Variants in CDH18 observed in about 807,000 individuals in gnomAD.
CDH18 encodes the protein cadherin-18.
CDH18 carries 31 observed loss-of-function variants against 67.9 expected under a neutral mutation model. The observed-to-expected ratio is 0.46, with a 90% CI of 0.34 to 0.62. The LOEUF is 0.62. Among genes scored for constraint, CDH18 ranks in the 20% least tolerant of loss-of-function variants. The pLI, the probability that CDH18 is intolerant of heterozygous loss-of-function variation, is 0.01. For missense variants in CDH18, 890 were observed against 975.5 expected (o/e 0.91, Z 1.17); for synonymous variants, 362 against 347.2 (o/e 1.04, Z -0.48).
chr5:19,533,548 AT>A (rs2127000649), intron 9 of CDH18, among the ~76,000 whole-genome samples: 1 of 152,322 alleles, frequency 6.6e-6, no homozygotes, highest in Admixed American at 6.5e-5. Context: ...GCATGAATTA[AT>A]TTTATTTTCA....
chr5:20,015,025 T>C (rs1016121389), intron 2 of CDH18, among the ~76,000 whole-genome samples: 3 of 152,078 alleles, frequency 2.0e-5, no homozygotes, highest in Admixed American at 2.0e-4. Flanking sequence ...GGACATATAC[T>C]AGGTCAAAAT....
At chr5:20,383,143 G>T (rs765005483) in intron 1 of CDH18, among the ~76,000 whole-genome samples, 17 of 152,030 alleles carry the variant, frequency 1.1e-4, no homozygotes, top group Non-Finnish European at 1.9e-4. Context: ...CATTAATTCT[G>T]CCATAGAATA....
At chr5:19,723,474 G>A (rs907238644) in intron 4 of CDH18, among the ~76,000 whole-genome samples, 2 of 152,096 alleles carry the variant, frequency 1.3e-5, no homozygotes, top group Non-Finnish European at 2.9e-5. Context: ...ACTCTAAGAA[G>A]AAATATGACT....
chr5:20,146,268 T>C (rs944963996), intron 2 of CDH18, among the ~76,000 whole-genome samples: 4 of 152,034 alleles, frequency 2.6e-5, no homozygotes, highest in African/African-American at 9.7e-5. Flanking sequence ...TTATTTGTAG[T>C]ATAGTGTTTG....
intron 2 of CDH18, among the ~76,000 whole-genome samples, chr5:20,240,047 T>C (rs1280884208): frequency 6.6e-6 from 1 of 151,818 alleles, no homozygotes; most frequent in East Asian, 1.9e-4. Context: ...ACAAAAATAG[T>C]TAAGAATAAT....
At chr5:19,590,628 G>C (rs898353819) in intron 7 of CDH18, among the ~76,000 whole-genome samples, 1 of 151,992 alleles carries the variant, frequency 6.6e-6, no homozygotes, top group African/African-American at 2.4e-5. Flanking sequence ...GAATCACCTG[G>C]AGTACATTTT....
chr5:20,376,532 G>C (rs1186933532), intron 1 of CDH18, among the ~76,000 whole-genome samples: 10 of 150,708 alleles, frequency 6.6e-5, no homozygotes, highest in Non-Finnish European at 4.4e-5. Context: ...TCTTTAGGGG[G>C]GTGTGTTATT....
intron 9 of CDH18, among the ~76,000 whole-genome samples, chr5:19,533,410 A>C (rs1348373571): frequency 6.6e-6 from 1 of 152,184 alleles, no homozygotes; most frequent in Non-Finnish European, 1.5e-5. Context: ...GCATGGAAGA[A>C]AAGAGAGTAC....
rs115325478 is a variant in CDH18 at position 20,001,190 on chromosome 5, T to C, written c.-517-9176A>G. ...TCATTTGAGAATGTGTGATTAGCTA[T>C]GCTTTACCATTTCCTTGCTTATTCA... is the stretch of plus-strand genomic sequence containing the variant. On this transcript the variant is annotated intron_variant, in intron 2 of 14. Coordinates refer to the CDH18 transcript ENST00000507958. Among the ~76,000 whole-genome samples the C allele has an allele frequency of 4.5e-3, 679 of 152,338 alleles. 4 individuals are homozygous for C. The highest frequency in any genetic ancestry group is 0.015 in the African/African-American group (641 of 41,574).
intron 2 of CDH18, among the ~76,000 whole-genome samples, chr5:19,974,757 T>C (rs1798349104): frequency 1.3e-5 from 2 of 152,052 alleles, no homozygotes; most frequent in South Asian, 4.1e-4. Context: ...GGAAGTGAGC[T>C]TGTCACTGTC....
Position 20,568,894 on chromosome 5 carries a change from G to A in CDH18, c.-580+6568C>T, listed in dbSNP as rs776675059. Among the ~76,000 whole-genome samples, 8 of 152,234 alleles carry A rather than the reference G, an allele frequency of 5.3e-5. No individual in the cohort carries two copies. In the South Asian group the frequency reaches 1.5e-3, roughly 28 times the overall value. Reference sequence around the variant, plus strand: ...TTAAATTCAAATAAATGCACCAAAGGGGGGCATAAGAAAATCTCTAACTCG... The same window carrying A: ...TTAAATTCAAATAAATGCACCAAAGAGGGGCATAAGAAAATCTCTAACTCG... On this transcript the variant is annotated intron_variant, in intron 1 of 14. Transcript: ENST00000507958.
chr5:20,029,145 ACAG>A (rs1237227601), intron 2 of CDH18, among the ~76,000 whole-genome samples: 1 of 152,140 alleles, frequency 6.6e-6, no homozygotes, highest in Non-Finnish European at 1.5e-5. Flanking sequence ...CTTCTTATCC[ACAG>A]CATTTAAACA....
chr5:19,962,388 A>AT, intron 2 of CDH18, among the ~76,000 whole-genome samples: 1 of 145,348 alleles, frequency 6.9e-6, no homozygotes, highest in Non-Finnish European at 1.5e-5. Flanking sequence ...CAAAAAAAAA[A>AT]AAAAAAAAGA....
chr5:20,293,296 G>A (rs1357342938), intron 1 of CDH18, among the ~76,000 whole-genome samples: 1 of 152,012 alleles, frequency 6.6e-6, no homozygotes, highest in African/African-American at 2.4e-5. Flanking sequence ...CAGCCTTGGT[G>A]ACAGAGTAAG....
Position 19,858,837 on chromosome 5 carries a change from T to C in CDH18, c.-256-19595A>G, listed in dbSNP as rs76678299. On this transcript the variant is annotated intron_variant, in intron 2 of 12. Coordinates refer to ENST00000382275, the MANE Select transcript of CDH18 (RefSeq NM_004934.5). ...GAAAAACTCATTTGTTAGATATTAC[T>C]TTTTTCTATTAATGCTACTTCAAAA... is the stretch of plus-strand genomic sequence containing the variant. Among the ~76,000 whole-genome samples the C allele has an allele frequency of 4.3e-4, 66 of 152,276 alleles. 2 individuals carry two copies. The East Asian group carries it at 0.013, about 29-fold the overall frequency.
intron 2 of CDH18, among the ~76,000 whole-genome samples, chr5:20,017,986 G>A (rs1161481316): frequency 6.6e-6 from 1 of 152,174 alleles, no homozygotes; most frequent in African/African-American, 2.4e-5. Flanking sequence ...AGGCATGCAT[G>A]AGAGAGATTG....
chr5:19,885,785 T>G (rs1221601564), intron 2 of CDH18, among the ~76,000 whole-genome samples: 1 of 152,230 alleles, frequency 6.6e-6, no homozygotes, highest in Non-Finnish European at 1.5e-5. Flanking sequence ...TAAATACAGC[T>G]ATTTTTCATA....
chr5:20,428,817 A>AT (rs35226117), intron 1 of CDH18, among the ~76,000 whole-genome samples: 18,613 of 152,122 alleles, frequency 0.12, 1,524 homozygotes, highest in Non-Finnish European at 0.18. Context: ...TTTTAGTGGC[A>AT]TTTTTTTCTC....
chr5:19,817,371 T>G (rs1050887759), intron 3 of CDH18, among the ~76,000 whole-genome samples: 1 of 151,854 alleles, frequency 6.6e-6, no homozygotes, highest in Non-Finnish European at 1.5e-5. Flanking sequence ...TACAGAAATC[T>G]CTCCTACAGA....
Sources: allele counts gnomAD v4.1 joint callset (sites outside exome capture counted in the v4.1 genomes callset), GRCh38; gene constraint gnomAD v4.1.1; transcripts MANE v1.5; gene names NCBI Gene and HGNC (gene_info 2026-07-23, HGNC 2026-07-21).